PCCA: variants seen among roughly 807,000 people sequenced by gnomAD.
PCCA encodes propionyl-CoA carboxylase subunit alpha.
In PCCA, 74 loss-of-function variants were observed where a neutral mutation model predicts 101.3. That is an observed-to-expected ratio of 0.73 (90% CI 0.61 to 0.89). PCCA has a LOEUF of 0.89. PCCA is among the 40% of genes least tolerant of loss of function. PCCA has a pLI of 0.00. For missense variants in PCCA, 891 were observed against 907.0 expected, an observed-to-expected ratio of 0.98 and a Z score of 0.23; for synonymous variants, 294 against 313.6, an observed-to-expected ratio of 0.94 and a Z score of 0.66.
rs1263756064 is a variant in PCCA at position 100,416,595 on chromosome 13, C to T, written c.1747-9038C>T. Among the ~76,000 whole-genome samples, 7 of 149,364 alleles carry T rather than the reference C, an allele frequency of 4.7e-5. No homozygotes were observed. In the South Asian group the frequency reaches 8.6e-4, roughly 18 times the overall value. On this transcript the variant is annotated intron_variant, in intron 19 of 23. Coordinates refer to ENST00000376285, the MANE Select transcript of PCCA (RefSeq NM_000282.4). ...TTGCCCAGGGTAGAGTGCAATGGCACGATCTCAGCTCACTGCAACCTCCAC... is the reference window on the plus strand; with the variant it reads ...TTGCCCAGGGTAGAGTGCAATGGCATGATCTCAGCTCACTGCAACCTCCAC...
intron 21 of PCCA, among the ~76,000 whole-genome samples, chr13:100,477,895 G>T (rs138431403): frequency 6.6e-6 from 1 of 152,164 alleles, no homozygotes; most frequent in Non-Finnish European, 1.5e-5. Context: ...TTCTTGTCCC[G>T]TCTGCAGAGC....
At chr13:100,432,159 A>G (rs1443566572) in intron 20 of PCCA, among the ~76,000 whole-genome samples, 1 of 152,026 alleles carries the variant, frequency 6.6e-6, no homozygotes, top group Non-Finnish European at 1.5e-5. Flanking sequence ...ATAAATAAAT[A>G]AATAAATAAA....
At chr13:100,318,909 C>T (rs2067687907) in intron 16 of PCCA, among the ~76,000 whole-genome samples, 2 of 152,180 alleles carry the variant, frequency 1.3e-5, no homozygotes, top group South Asian at 4.1e-4. Flanking sequence ...AGAATTGCCA[C>T]ACTGACTTCC....
chr13:100,416,589 A>G (rs536325848), intron 19 of PCCA, among the ~76,000 whole-genome samples: 16 of 146,138 alleles, frequency 1.1e-4, no homozygotes, highest in Non-Finnish European at 2.3e-4. Context: ...GTAGAGTGCA[A>G]TGGCACGATC....
intron 14 of PCCA, among the ~76,000 whole-genome samples, chr13:100,304,090 A>G (rs768145178): frequency 3.3e-5 from 5 of 152,190 alleles, no homozygotes; most frequent in East Asian, 1.9e-4. Context: ...GCAATTTGCA[A>G]TTTTCAAACG....
chr13:100,220,907 G>A (rs1207842771), intron 7 of PCCA, among the ~76,000 whole-genome samples: 1 of 152,174 alleles, frequency 6.6e-6, no homozygotes, highest in African/African-American at 2.4e-5. Context: ...ATCTCTAACT[G>A]CAAACCTGAC....
intron 4 of PCCA, among the ~76,000 whole-genome samples, chr13:100,129,214 AC>A (rs1383698008): frequency 6.6e-6 from 1 of 152,054 alleles, no homozygotes; most frequent in African/African-American, 2.4e-5. Flanking sequence ...GAATCTAGTC[AC>A]CTATCTTCAC....
intron 1 of PCCA, among the ~76,000 whole-genome samples, chr13:100,095,864 GA>G (rs2046720730): frequency 6.6e-6 from 1 of 152,026 alleles, no homozygotes; most frequent in African/African-American, 2.4e-5. Context: ...TTTATGTTTG[GA>G]AAAGACGTTT....
At chr13:100,346,837 A>C (rs1004963610) in intron 18 of PCCA, among the ~76,000 whole-genome samples, 1 of 152,096 alleles carries the variant, frequency 6.6e-6, no homozygotes, top group African/African-American at 2.4e-5. Context: ...ATTATGACTC[A>C]CTAAAGGCTC....
At chr13:100,502,377 A>T (rs2085748294) in intron 21 of PCCA, among the ~76,000 whole-genome samples, 2 of 152,230 alleles carry the variant, frequency 1.3e-5, no homozygotes, top group African/African-American at 4.8e-5. Flanking sequence ...GGCTGTGTGT[A>T]CTGTATATTT....
chr13:100,336,740 T>C (rs1595422932), intron 17 of PCCA, among the ~76,000 whole-genome samples: 1 of 152,220 alleles, frequency 6.6e-6, no homozygotes, highest in African/African-American at 2.4e-5. Context: ...TGCAGCTTTT[T>C]CCAGCCATGT....
At chr13:100,120,115 A>T (rs1163859500) in intron 4 of PCCA, among the ~76,000 whole-genome samples, 2 of 151,410 alleles carry the variant, frequency 1.3e-5, no homozygotes, top group Admixed American at 6.6e-5. Context: ...CACCCGCCTC[A>T]GCCTCCCAAA....
intron 18 of PCCA, among the ~76,000 whole-genome samples, chr13:100,362,763 A>G (rs1165741241): frequency 6.6e-6 from 1 of 152,220 alleles, no homozygotes; most frequent in Non-Finnish European, 1.5e-5. Context: ...TGTAATGCTA[A>G]TAACACCAAA....
chr13:100,520,478 A>G (rs2087155922), intron 22 of PCCA, among the ~76,000 whole-genome samples: 1 of 151,856 alleles, frequency 6.6e-6, no homozygotes, highest in Non-Finnish European at 1.5e-5. Flanking sequence ...TACTAAAAAT[A>G]CAAAAAATTA....
intron 8 of PCCA, among the ~76,000 whole-genome samples, chr13:100,251,589 T>C (rs2061758445): frequency 6.6e-6 from 1 of 152,186 alleles, no homozygotes; most frequent in African/African-American, 2.4e-5. Flanking sequence ...GCAAGAATCA[T>C]TAAAGTTCAT....
chr13:100,141,217 T>C (rs925072526), intron 4 of PCCA, among the ~76,000 whole-genome samples: 14 of 152,130 alleles, frequency 9.2e-5, no homozygotes, highest in African/African-American at 3.4e-4. Context: ...TCCCTTTTCA[T>C]ACACTTTATT....
At chr13:100,093,725 G>C (rs1341632111) in intron 1 of PCCA, among the ~76,000 whole-genome samples, 1 of 151,044 alleles carries the variant, frequency 6.6e-6, no homozygotes, top group Admixed American at 6.6e-5. Flanking sequence ...ACCAGCCTAG[G>C]CAACATAATG....
At chr13:100,477,600 T>G (rs1373105485) in intron 21 of PCCA, among the ~76,000 whole-genome samples, 2 of 152,192 alleles carry the variant, frequency 1.3e-5, no homozygotes, top group African/African-American at 2.4e-5. Flanking sequence ...AAGAAATAAT[T>G]GTTTAAATCA....
At chr13:100,138,504 A>G (rs960020367) in intron 4 of PCCA, among the ~76,000 whole-genome samples, 1 of 152,214 alleles carries the variant, frequency 6.6e-6, no homozygotes, top group African/African-American at 2.4e-5. Flanking sequence ...AAGCAATGTT[A>G]TCATTTCTGT....
Sources: gnomAD v4.1 joint callset for allele counts (sites outside exome capture counted in the v4.1 genomes callset) on GRCh38, gnomAD v4.1.1 for gene constraint, MANE v1.5 for transcripts, NCBI Gene and HGNC (gene_info 2026-07-23, HGNC 2026-07-21) for gene names.